Variants in NXPH1 observed in about 807,000 individuals in gnomAD.
NXPH1 encodes neurexophilin 1.
A neutral mutation model predicts 23.7 loss-of-function variants in NXPH1; 5 were observed. The observed-to-expected ratio is 0.21, with a 90% confidence interval of 0.11 to 0.44. NXPH1 has a LOEUF of 0.44. Among genes scored for constraint, NXPH1 ranks in the 20% least tolerant of loss-of-function variants. NXPH1 has a pLI of 0.99. For missense variants in NXPH1, 324 were observed against 321.6 expected (o/e 1.01, Z -0.06); for synonymous variants, 144 against 122.2 (o/e 1.18, Z -1.18).
intron 2 of NXPH1, among the ~76,000 whole-genome samples, chr7:8,514,436 G>A (rs1817658062): frequency 6.6e-6 from 1 of 152,156 alleles, no homozygotes; most frequent in South Asian, 2.1e-4. Flanking sequence ...GCAGACTTGG[G>A]AATCAGTCTC....
At chr7:8,472,617 AAG>A (rs1265875381) in intron 2 of NXPH1, among the ~76,000 whole-genome samples, 1 of 152,124 alleles carries the variant, frequency 6.6e-6, no homozygotes, top group African/African-American at 2.4e-5. Flanking sequence ...CCTGGTAGGG[AAG>A]AGAGTCTGGA....
At chr7:8,637,249 G>A (rs977634004) in intron 2 of NXPH1, among the ~76,000 whole-genome samples, 7 of 150,868 alleles carry the variant, frequency 4.6e-5, no homozygotes, top group Non-Finnish European at 1.0e-4. Context: ...GAGAGAGAGG[G>A]CCTGGCTTTT....
At chr7:8,527,744 C>A (rs1453045906) in intron 2 of NXPH1, among the ~76,000 whole-genome samples, 1 of 152,120 alleles carries the variant, frequency 6.6e-6, no homozygotes, top group Non-Finnish European at 1.5e-5. Context: ...ATCCAGGATC[C>A]AATATGAAAT....
chr7:8,498,372 T>C (rs1817373883), intron 2 of NXPH1, among the ~76,000 whole-genome samples: 1 of 152,048 alleles, frequency 6.6e-6, no homozygotes. Context: ...AGTTGATAGA[T>C]TTTTGTCTTG....
intron 2 of NXPH1, among the ~76,000 whole-genome samples, chr7:8,452,467 G>A (rs1444414188): frequency 6.6e-6 from 1 of 152,114 alleles, no homozygotes; most frequent in Non-Finnish European, 1.5e-5. Flanking sequence ...TGATAGGCTA[G>A]AATCTCATTG....
intron 2 of NXPH1, among the ~76,000 whole-genome samples, chr7:8,726,357 T>C (rs911460301): frequency 3.3e-5 from 5 of 152,028 alleles, no homozygotes; most frequent in Non-Finnish European, 7.4e-5. Context: ...TATTATACTT[T>C]AAGTTTTAGG....
At chr7:8,476,115 G>T (rs114933744) in intron 2 of NXPH1, among the ~76,000 whole-genome samples, 2,875 of 152,210 alleles carry the variant, frequency 0.019, 99 homozygotes, top group African/African-American at 0.066. Flanking sequence ...ACATTTTGGG[G>T]ACCATAGGCC....
intron 2 of NXPH1, among the ~76,000 whole-genome samples, chr7:8,495,849 G>A (rs1817325284): frequency 6.6e-6 from 1 of 152,002 alleles, no homozygotes; most frequent in Non-Finnish European, 1.5e-5. Flanking sequence ...GATAGACATG[G>A]CTGCCACGGT....
In NXPH1 at chr7:8,543,214, A is replaced by G. The variant is rs1584222370; in HGVS notation, c.54+107447A>G. Among the ~76,000 whole-genome samples the G allele has an allele frequency of 2.6e-5, 4 of 151,514 alleles. 1 individual carries two copies. The highest frequency in any genetic ancestry group is 2.6e-4 in the Admixed American group (4 of 15,184). On this transcript the variant is annotated intron_variant, in intron 2 of 2. Coordinates refer to ENST00000405863, the MANE Select transcript of NXPH1 (RefSeq NM_152745.3). The stretch of plus-strand genomic sequence containing the variant: ...CTTCAATTGCATCTCATCCACTCCC[A>G]CCTATGTATTTTTGCTCATGTTGAA...
At chr7:8,478,076 C>T (rs1196800229) in intron 2 of NXPH1, among the ~76,000 whole-genome samples, 1 of 152,034 alleles carries the variant, frequency 6.6e-6, no homozygotes, top group East Asian at 1.9e-4. Flanking sequence ...TGCATGATGA[C>T]AAGGAGACAT....
chr7:8,646,276 A>T (rs1820398844), intron 2 of NXPH1, among the ~76,000 whole-genome samples: 1 of 152,134 alleles, frequency 6.6e-6, no homozygotes, highest in Non-Finnish European at 1.5e-5. Context: ...ATACATTTTT[A>T]AACTCTCCGT....
intron 2 of NXPH1, among the ~76,000 whole-genome samples, chr7:8,590,889 C>G (rs865784252): frequency 6.6e-6 from 1 of 151,968 alleles, no homozygotes; most frequent in African/African-American, 2.4e-5. Context: ...TTGAACTGTT[C>G]CTATTTTTAA....
chr7:8,482,933 G>T (rs1817099391), intron 2 of NXPH1, among the ~76,000 whole-genome samples: 1 of 152,130 alleles, frequency 6.6e-6, no homozygotes, highest in Admixed American at 6.6e-5. Flanking sequence ...CTTAGTTTTT[G>T]TTATCCAAAT....
intron 2 of NXPH1, among the ~76,000 whole-genome samples, chr7:8,522,097 G>T (rs925100404): frequency 3.3e-5 from 5 of 152,156 alleles, no homozygotes; most frequent in African/African-American, 1.2e-4. Flanking sequence ...TTCTTAAGAG[G>T]CATTGTTTCA....
chr7:8,450,051 C>T (rs763757182), intron 2 of NXPH1, among the ~76,000 whole-genome samples: 3 of 152,144 alleles, frequency 2.0e-5, no homozygotes, highest in South Asian at 2.1e-4. Flanking sequence ...AGGTAAGAAG[C>T]GAGACTGGGA....
chr7:8,547,289 A>G (rs55897539), intron 2 of NXPH1, among the ~76,000 whole-genome samples: 1,549 of 151,474 alleles, frequency 0.01, 14 homozygotes, highest in Non-Finnish European at 0.016. Context: ...TGCAAATTTT[A>G]GAAAAACATA....
intron 2 of NXPH1, among the ~76,000 whole-genome samples, chr7:8,445,297 G>T (rs1309135700): frequency 1.3e-5 from 2 of 152,276 alleles, no homozygotes; most frequent in East Asian, 3.9e-4. Flanking sequence ...AAGCGAAAAA[G>T]ACATTTATTA....
rs1562422166 is a variant in NXPH1, at chr7:8,604,570, A to C, written c.55-146438A>C. Among the ~76,000 whole-genome samples, 2 of 152,242 alleles carry C rather than the reference A, an allele frequency of 1.3e-5. 1 individual carries two copies. Among genetic ancestry groups the C allele is most frequent in the South Asian group, 4.1e-4 (2 of 4,832 alleles). On this transcript the variant is annotated intron_variant, in intron 2 of 2. Coordinates refer to ENST00000405863, the MANE Select transcript of NXPH1 (RefSeq NM_152745.3). ...GAGGGGCTTTGAAGTGAACAATATA[A>C]AAAATATAATTTTCAGTCAAACTTT...
At chr7:8,516,502 A>T (rs1405132950) in intron 2 of NXPH1, among the ~76,000 whole-genome samples, 1 of 152,146 alleles carries the variant, frequency 6.6e-6, no homozygotes, top group East Asian at 1.9e-4. Flanking sequence ...ATGAAATGTC[A>T]TTTGAAAGTC....
Sources: allele counts gnomAD v4.1 joint callset (sites outside exome capture counted in the v4.1 genomes callset), GRCh38; gene constraint gnomAD v4.1.1; transcripts MANE v1.5; gene names NCBI Gene and HGNC (gene_info 2026-07-23, HGNC 2026-07-21).